The following SYN2 variants were observed in gnomAD, a reference collection of about 807,000 sequenced individuals.
SYN2 encodes the protein synapsin II, also known as synapsin-2.
SYN2 carries 19 observed loss-of-function variants against 50.9 expected under a neutral mutation model. The observed-to-expected ratio is 0.37, with a 90% confidence interval of 0.26 to 0.55. The LOEUF is 0.55. SYN2 is among the 20% of genes least tolerant of loss of function. The pLI, the probability that SYN2 is intolerant of heterozygous loss-of-function variation, is 0.81. For synonymous variants in SYN2, 255 were observed against 224.9 expected (o/e 1.13, Z -1.20); for missense variants, 587 against 576.4 (o/e 1.02, Z -0.19).
At chr3:12,137,503 G>T (rs1696919752) in intron 1 of SYN2, among the ~76,000 whole-genome samples, 1 of 152,178 alleles carries the variant, frequency 6.6e-6, no homozygotes, top group Non-Finnish European at 1.5e-5. Flanking sequence ...GTAAGCCATT[G>T]TAGCACTGTT....
intron 1 of SYN2, 129 bp downstream of exon 1, chr3:12,005,057 G>T (rs1049440242): frequency 5.4e-5 from 21 of 386,416 alleles, no homozygotes; most frequent in Middle Eastern, 1.3e-3. Context: ...AGGTCCCGCT[G>T]GGAGGAGGTG....
At position 12,187,475 on chromosome 3, in the gene SYN2, T is replaced by C. The variant is rs572771366; in HGVS notation, c.1476T>C (p.Ser492=). 137 of 1,550,692 alleles carry C rather than the reference T, an allele frequency of 8.8e-5. No individual in the cohort carries two copies. Among genetic ancestry groups the C allele is most frequent in the East Asian group, 5.1e-4 (21 of 41,158 alleles). ...SLPPSSSSSS[S]SSSSAPQRPG... ...CACCTTCCTCCTCTTCCTCCTCTTC[T>C]TCCTCCTCCTCGGCTCCTCAGCGGC... Residue 492 remains serine (S), a synonymous_variant, in exon 12 of 13, where the codon TCT becomes TCC. Coordinates refer to ENST00000621198, the MANE Select transcript of SYN2 (RefSeq NM_133625.6).
chr3:12,153,292 C>A, intron 5 of SYN2: 2 of 588,632 alleles, frequency 3.4e-6, no homozygotes, highest in Non-Finnish European at 6.1e-6. Flanking sequence ...GTAACAGCTA[C>A]AAGGCTAGAC....
intron 3 of SYN2, among the ~76,000 whole-genome samples, chr3:12,144,077 C>T (rs1697089452): frequency 6.6e-6 from 1 of 152,140 alleles, no homozygotes; most frequent in Admixed American, 6.6e-5. Context: ...AGGCTTAGTG[C>T]CTTGGGAGTA....
intron 5 of SYN2, 128 bp from the exon 6 acceptor site, chr3:12,161,418 T>C: frequency 9.6e-7 from 1 of 1,039,920 alleles, no homozygotes; most frequent in East Asian, 2.6e-5. Context: ...TTTTAATCTG[T>C]AAAGCAAGTA....
rs1696994203 is a variant in SYN2 at position 12,140,612 on chromosome 3, G to T, written c.378-39G>T. The T allele has an allele frequency of 6.8e-6, 5 of 731,334 alleles. No individual in the cohort carries two copies. The East Asian group carries it at 7.6e-5, about 11-fold the overall frequency. 45.3% of individuals were successfully genotyped at this position (731,334 alleles called of 1,614,324 possible). ...AGTAAATGTCTGACTTTAAATACTTGCACAAAACTAATTTGTGTGGGTTTA... is the reference window on the plus strand; with the variant it reads ...AGTAAATGTCTGACTTTAAATACTTTCACAAAACTAATTTGTGTGGGTTTA... On this transcript the variant is annotated intron_variant, in intron 1 of 12. Coordinates refer to ENST00000621198, the MANE Select transcript of SYN2 (RefSeq NM_133625.6).
At chr3:12,158,549 G>A (rs1217989972) in intron 5 of SYN2, 13 of 1,140,374 alleles carry the variant, frequency 1.1e-5, no homozygotes, top group South Asian at 4.6e-5. Flanking sequence ...TTGCTATGGC[G>A]CCTGGTCCTT....
intron 1 of SYN2, among the ~76,000 whole-genome samples, chr3:12,019,399 A>G (rs1007398522): frequency 6.6e-6 from 1 of 152,166 alleles, no homozygotes; most frequent in Admixed American, 6.5e-5. Flanking sequence ...CTGCATTTTC[A>G]TAGAAGGAGC....
At chr3:12,098,856 C>CATATATATATATATATATAT (rs35420190) in intron 1 of SYN2, among the ~76,000 whole-genome samples, 122 of 133,592 alleles carry the variant, frequency 9.1e-4, no homozygotes, top group East Asian at 5.9e-3. Flanking sequence ...AAAGCAAAAG[C>CATATATATATATATATATAT]ATATATATAT....
At chr3:12,142,331 A>G (rs1697038841) in intron 3 of SYN2, among the ~76,000 whole-genome samples, 1 of 152,180 alleles carries the variant, frequency 6.6e-6, no homozygotes, top group Non-Finnish European at 1.5e-5. Flanking sequence ...CCCTTGGAAA[A>G]CAGAGTTCCA....
At chr3:12,042,346 C>T (rs1694637870) in intron 1 of SYN2, among the ~76,000 whole-genome samples, 1 of 152,136 alleles carries the variant, frequency 6.6e-6, no homozygotes, top group African/African-American at 2.4e-5. Flanking sequence ...ATAATTTGCC[C>T]AAGGTCTCAC....
intron 1 of SYN2, among the ~76,000 whole-genome samples, chr3:12,062,521 G>A (rs1574917367): frequency 6.6e-6 from 1 of 151,962 alleles, no homozygotes; most frequent in African/African-American, 2.4e-5. Context: ...TATTAAAGTT[G>A]AAAATTTCTG....
At chr3:12,091,988 A>G (rs116756637) in intron 1 of SYN2, among the ~76,000 whole-genome samples, 23 of 152,358 alleles carry the variant, frequency 1.5e-4, no homozygotes, top group African/African-American at 4.6e-4. Context: ...TAGATAAACT[A>G]TCAATGGAGG....
At chr3:12,122,745 A>G (rs1012878743) in intron 1 of SYN2, among the ~76,000 whole-genome samples, 3 of 152,206 alleles carry the variant, frequency 2.0e-5, no homozygotes, top group African/African-American at 4.8e-5. Context: ...ATGCCCAGCC[A>G]CTGATACCTT....
intron 1 of SYN2, among the ~76,000 whole-genome samples, chr3:12,018,612 A>G (rs1003606635): frequency 3.9e-5 from 6 of 152,224 alleles, no homozygotes; most frequent in African/African-American, 1.2e-4. Flanking sequence ...CAAAAGGCCA[A>G]TGAACAGCGC....
intron 4 of SYN2, 76 bp downstream of exon 4, chr3:12,145,911 C>T (rs1697140146): frequency 6.3e-7 from 1 of 1,580,512 alleles, no homozygotes; most frequent in East Asian, 2.2e-5. Context: ...AGCAGGGACT[C>T]AAGATGCAGT....
chr3:12,130,729 G>A (rs1303596202), intron 1 of SYN2, among the ~76,000 whole-genome samples: 1 of 152,230 alleles, frequency 6.6e-6, no homozygotes, highest in African/African-American at 2.4e-5. Context: ...AGGTTGAGTT[G>A]TTGGAGAATA....
chr3:12,131,321 C>T (rs141703311), intron 1 of SYN2, among the ~76,000 whole-genome samples: 1 of 152,320 alleles, frequency 6.6e-6, no homozygotes, highest in Non-Finnish European at 1.5e-5. Context: ...AGGATGGGAA[C>T]CTGCAGCTCT....
At chr3:12,020,037 T>C (rs1694099729) in intron 1 of SYN2, among the ~76,000 whole-genome samples, 1 of 152,120 alleles carries the variant, frequency 6.6e-6, no homozygotes, top group Non-Finnish European at 1.5e-5. Context: ...GTTGCGTAGG[T>C]TGGATGAAAA....
Sources: allele counts gnomAD v4.1 joint callset (sites outside exome capture counted in the v4.1 genomes callset), GRCh38; gene constraint gnomAD v4.1.1; transcripts MANE v1.5; gene names NCBI Gene and HGNC (gene_info 2026-07-23, HGNC 2026-07-21).